GRHL1: variants seen among roughly 807,000 people sequenced by gnomAD.
GRHL1 encodes grainyhead-like protein 1 homolog.
Under a neutral mutation model 75.7 loss-of-function variants are expected in GRHL1, and 38 were observed. That is an observed-to-expected ratio of 0.50 (90% confidence interval 0.39 to 0.66). The LOEUF is 0.66. Ranked by LOEUF, GRHL1 falls within the 30% of genes least tolerant of loss-of-function variation. The pLI, the probability that GRHL1 is intolerant of heterozygous loss-of-function variation, is 0.00. For synonymous variants in GRHL1, 266 were observed against 279.4 expected, an observed-to-expected ratio of 0.95 and a Z score of 0.48; for missense variants, 589 against 767.5, an observed-to-expected ratio of 0.77 and a Z score of 2.75.
chr2:9,954,113 TAC>T (rs1306570637), intron 1 of GRHL1, among the ~76,000 whole-genome samples: 3 of 152,244 alleles, frequency 2.0e-5, no homozygotes, highest in Non-Finnish European at 2.9e-5. Context: ...CCCACCAAAC[TAC>T]AGTGTTAAAA....
Position 9,951,946 on chromosome 2 carries a change from G to A in GRHL1, c.20+93G>A. ...GAGCCGGGCGCAGACCCGAGGCCGC[G>A]CGGGCGGGCGGGCGCGGGGCGCGAG... On this transcript the variant is annotated intron_variant, in intron 1 of 15. Transcript: ENST00000324907. The surrounding 1 kb of genome is among the most constrained non-coding windows in gnomAD (Gnocchi z 4.2). The A allele has an allele frequency of 1.4e-6, 1 of 740,498 alleles. No homozygotes were observed. Among genetic ancestry groups the A allele is most frequent in the Admixed American group, 5.9e-5 (1 of 16,842 alleles). 45.9% of individuals were successfully genotyped at this position (740,498 alleles called of 1,614,324 possible).
intron 8 of GRHL1, among the ~76,000 whole-genome samples, chr2:9,979,571 A>T (rs1572367195): frequency 6.6e-6 from 1 of 152,164 alleles, no homozygotes; most frequent in Non-Finnish European, 1.5e-5. Context: ...ATATTATGAA[A>T]GTCTTATGGA....
rs1274530249 is a variant in GRHL1 at position 10,002,261 on chromosome 2, A to C, written c.*1554A>C. 6.6e-6 allele frequency: 1 copy of C among 152,636 alleles called. No individual in the cohort carries two copies. The highest frequency in any genetic ancestry group is 1.5e-5 in the Non-Finnish European group (1 of 68,040). 9.5% of individuals were successfully genotyped at this position (152,636 alleles called of 1,614,324 possible). ...TTTTAAACCAAAGGAATTAAATTTT[A>C]TATGTCTATTTCGTAATATGTCATT... On this transcript the variant is annotated 3_prime_UTR_variant, in exon 16 of 16. Transcript: ENST00000324907.
chr2:9,972,080 T>C (rs1188522916), intron 8 of GRHL1, among the ~76,000 whole-genome samples: 1 of 152,128 alleles, frequency 6.6e-6, no homozygotes, highest in Non-Finnish European at 1.5e-5. Context: ...GGGAGGGACT[T>C]GGCAGCTGAA....
chr2:9,958,963 A>G (rs182949385), intron 3 of GRHL1, 107 bp downstream of exon 3: 322 of 1,480,038 alleles, frequency 2.2e-4, no homozygotes, highest in Admixed American at 3.5e-4. Flanking sequence ...TGAAAGAGAT[A>G]GGTAAGTTGG....
Position 10,001,951 on chromosome 2 carries a change from T to A in GRHL1, c.*1244T>A, listed in dbSNP as rs1669285029. 6.6e-6 allele frequency: 1 copy of A among 152,658 alleles called. No homozygotes were observed. The highest frequency in any genetic ancestry group is 3.2e-3 in the Middle Eastern group (1 of 316). 9.5% of individuals were successfully genotyped at this position (152,658 alleles called of 1,614,324 possible). ...TCATGAATTCACAAAAATATGTTACTATGGCAGGGGAACATTTTGTACACA... is the reference window on the plus strand; with the variant it reads ...TCATGAATTCACAAAAATATGTTACAATGGCAGGGGAACATTTTGTACACA... On this transcript the variant is annotated 3_prime_UTR_variant, in exon 16 of 16. Transcript: ENST00000324907.
chr2:9,991,181 C>T (rs1014882047), intron 10 of GRHL1, among the ~76,000 whole-genome samples: 3 of 151,928 alleles, frequency 2.0e-5, no homozygotes, highest in African/African-American at 7.3e-5. Flanking sequence ...TTAATATTTG[C>T]AGAATCTATA....
intron 8 of GRHL1, among the ~76,000 whole-genome samples, chr2:9,971,364 C>T (rs1009144544): frequency 6.6e-6 from 1 of 152,024 alleles, no homozygotes; most frequent in Admixed American, 6.6e-5. Context: ...ATCCTACTTG[C>T]GATTGCAAAT....
At position 9,990,290 on chromosome 2, in the gene GRHL1, A is replaced by G. The variant is rs548385292; in HGVS notation, c.1270-406A>G. 1.3e-5 allele frequency among the ~76,000 whole-genome samples: 2 copies of G among 152,030 alleles called. No homozygotes were observed. Among genetic ancestry groups the G allele is most frequent in the East Asian group, 3.9e-4 (2 of 5,160 alleles). ...CTCAGCCTCCCAAGTAGCTGGGACT[A>G]CAGGTGCCCGCTACCACGCCTGGCT... On this transcript the variant is annotated intron_variant, in intron 9 of 15. Coordinates refer to ENST00000324907, the MANE Select transcript of GRHL1 (RefSeq NM_198182.3). The surrounding 1 kb of genome is among the most constrained non-coding windows in gnomAD (Gnocchi z 4.2).
rs188323820 is a variant in GRHL1, at chr2:9,996,308, T to C, written c.1592-8T>C. The C allele has an allele frequency of 3.1e-5, 50 of 1,595,632 alleles. No homozygotes were observed. In the Admixed American group the frequency reaches 6.7e-4, roughly 21 times the overall value. Reference sequence around the variant, plus strand: ...TCCCTTCCTTATTCCTGGTTGGGGATTGATTAGTGCTGCTCTACGTTCGAA... The same window carrying C: ...TCCCTTCCTTATTCCTGGTTGGGGACTGATTAGTGCTGCTCTACGTTCGAA... On this transcript the variant is annotated splice_region_variant and splice_polypyrimidine_tract_variant and intron_variant, in intron 13 of 15. Coordinates refer to ENST00000324907, the MANE Select transcript of GRHL1 (RefSeq NM_198182.3).
chr2:9,995,576 C>A (rs1446679823), intron 12 of GRHL1, among the ~76,000 whole-genome samples: 1 of 143,466 alleles, frequency 7.0e-6, no homozygotes, highest in Non-Finnish European at 1.5e-5. Context: ...CAGAATGAGA[C>A]CCTGTCTCAC....
intron 12 of GRHL1, 26 bp downstream of exon 12, chr2:9,993,270 T>C (rs1668722454): frequency 6.3e-7 from 1 of 1,585,644 alleles, no homozygotes; most frequent in Non-Finnish European, 8.7e-7. Flanking sequence ...TGTTTTGTTT[T>C]GTTTTAATAA....
At chr2:9,974,156 C>A (rs1667848996) in intron 8 of GRHL1, among the ~76,000 whole-genome samples, 1 of 152,168 alleles carries the variant, frequency 6.6e-6, no homozygotes, top group Admixed American at 6.5e-5. Context: ...GACTTGGGTC[C>A]TGGCCTTGGC....
intron 8 of GRHL1, among the ~76,000 whole-genome samples, chr2:9,972,275 C>T (rs1290566776): frequency 6.7e-6 from 1 of 148,954 alleles, no homozygotes; most frequent in Non-Finnish European, 1.5e-5. Context: ...ATAGAACTTT[C>T]TTTTTTGACA....
chr2:9,955,768 G>A (rs1572329785), intron 2 of GRHL1, among the ~76,000 whole-genome samples: 1 of 152,248 alleles, frequency 6.6e-6, no homozygotes, highest in East Asian at 1.9e-4. Flanking sequence ...TAGGATGTGT[G>A]CATCTGGGGC....
At chr2:9,982,115 T>G (rs76918786) in intron 8 of GRHL1, among the ~76,000 whole-genome samples, 4,001 of 152,330 alleles carry the variant, frequency 0.026, 173 homozygotes, top group African/African-American at 0.091. Flanking sequence ...AGATCTTTCT[T>G]TTGATTACAT....
chr2:9,955,681 C>T (rs891891298), intron 2 of GRHL1, among the ~76,000 whole-genome samples: 22 of 152,210 alleles, frequency 1.4e-4, no homozygotes, highest in Admixed American at 1.3e-3. Flanking sequence ...TCATCATTGT[C>T]CTGATAACAC....
Position 9,968,524 on chromosome 2 carries a change from C to T in GRHL1, c.1110+3143C>T, listed in dbSNP as rs543949755. The stretch of plus-strand genomic sequence containing the variant: ...CGTTCACATTTCATTGTGAAATAAT[C>T]AGTATTCTTCCTGATGCACAGCTGA... On this transcript the variant is annotated intron_variant, in intron 8 of 15. Transcript: ENST00000324907. This position sits in a 1 kb window ranked among gnomAD's most constrained non-coding sequence, Gnocchi z 4.7. Among the ~76,000 whole-genome samples the T allele has an allele frequency of 1.1e-4, 17 of 152,266 alleles. No individual in the cohort carries two copies. Among genetic ancestry groups the T allele is most frequent in the African/African-American group, 4.1e-4 (17 of 41,546 alleles).
intron 2 of GRHL1, 114 bp from the exon 3 acceptor site, chr2:9,958,672 C>A: frequency 1.3e-6 from 1 of 746,292 alleles, no homozygotes; most frequent in Non-Finnish European, 2.3e-6. Context: ...GTTTGCTAGG[C>A]AACCAGTAGA....
Sources: gnomAD v4.1 joint callset for allele counts (sites outside exome capture counted in the v4.1 genomes callset) on GRCh38, gnomAD v4.1.1 for gene constraint, Gnocchi (gnomAD v3.1) non-coding constraint, MANE v1.5 for transcripts, NCBI Gene and HGNC (gene_info 2026-07-23, HGNC 2026-07-21) for gene names.